The following ARAP2 variants were observed in gnomAD, a reference collection of about 807,000 sequenced individuals.
The protein encoded by ARAP2 is ArfGAP with RhoGAP domain, ankyrin repeat and PH domain 2.
In ARAP2, 148 loss-of-function variants were observed where a neutral mutation model predicts 194.5. That is an observed-to-expected ratio of 0.76 (90% CI 0.67 to 0.87). The LOEUF is 0.87. ARAP2 is among the 40% of genes least tolerant of loss of function. The probability of loss-of-function intolerance (pLI) is 0.00; values close to 1 mark genes in which losing one functional copy is unlikely to be tolerated. For synonymous variants in ARAP2, 695 were observed against 683.5 expected, an observed-to-expected ratio of 1.02 and a Z score of -0.26; for missense variants, 2,128 against 1,989.7, an observed-to-expected ratio of 1.07 and a Z score of -1.32.
At position 36,067,768 on chromosome 4, in the gene ARAP2, T is replaced by G. The variant is rs1725826191; in HGVS notation, c.*139A>C. 5.6e-6 allele frequency: 5 copies of G among 899,158 alleles called. No homozygotes were observed. Among genetic ancestry groups the G allele is most frequent in the Non-Finnish European group, 6.5e-6 (4 of 612,226 alleles). The allele number at this position is 899,158 out of a possible 1,614,324, so 55.7% of individuals were successfully genotyped here. A position where few individuals can be genotyped will look rare whatever the true frequency, so the allele number is the denominator to read the frequency against. ...ATATATACATATTTTTAAATGCTCC[T>G]TAAATGCCTAAGCATAGACAAATTT... On this transcript the variant is annotated 3_prime_UTR_variant, in exon 33 of 33. Coordinates refer to ENST00000303965, the MANE Select transcript of ARAP2 (RefSeq NM_015230.4).
chr4:36,168,010 T>G (rs970006863), intron 9 of ARAP2, among the ~76,000 whole-genome samples: 3 of 134,038 alleles, frequency 2.2e-5, no homozygotes, highest in African/African-American at 8.3e-5. Context: ...AAAGGCAAAA[T>G]ACAAAAAAAA....
chr4:36,106,017 T>C (rs1463781909), intron 27 of ARAP2, among the ~76,000 whole-genome samples: 1 of 151,996 alleles, frequency 6.6e-6, no homozygotes, highest in Non-Finnish European at 1.5e-5. Context: ...ATTATCTAAA[T>C]TAGGGTTTCT....
chr4:36,022,922 T>C (rs973341785), intron 5 of ARAP2, among the ~76,000 whole-genome samples: 1 of 152,120 alleles, frequency 6.6e-6, no homozygotes, highest in Non-Finnish European at 1.5e-5. Flanking sequence ...GAGAATAATA[T>C]ATGGAGAAGA....
chr4:36,039,292 C>T (rs1380457564), intron 5 of ARAP2, among the ~76,000 whole-genome samples: 2 of 152,220 alleles, frequency 1.3e-5, no homozygotes, highest in African/African-American at 2.4e-5. Context: ...ACCAGCCCCA[C>T]ACTGTTTATA....
At chr4:36,026,933 G>A (rs1014086649) in intron 5 of ARAP2, among the ~76,000 whole-genome samples, 10 of 152,218 alleles carry the variant, frequency 6.6e-5, no homozygotes, top group African/African-American at 2.4e-4. Flanking sequence ...GTCTCTAAAT[G>A]CGGCCATAGC....
At chr4:36,014,324 G>GAGAGAGAA (rs1553861947) in intron 8 of ARAP2, among the ~76,000 whole-genome samples, 20 of 109,832 alleles carry the variant, frequency 1.8e-4, no homozygotes, top group African/African-American at 8.5e-4. Context: ...GAAAGAAAGA[G>GAGAGAGAA]AGAAAGAAAG....
At chr4:36,236,404 C>T (rs1752463675) in intron 1 of ARAP2, among the ~76,000 whole-genome samples, 1 of 152,038 alleles carries the variant, frequency 6.6e-6, no homozygotes, top group Non-Finnish European at 1.5e-5. Flanking sequence ...ATCACCTTTG[C>T]CTAACTATAT....
chr4:36,183,476 GAAA>G (rs1739767084), intron 8 of ARAP2, among the ~76,000 whole-genome samples: 1 of 152,060 alleles, frequency 6.6e-6, no homozygotes, highest in Non-Finnish European at 1.5e-5. Context: ...AATGGCCTTG[GAAA>G]GGGAATGCCC....
intron 3 of ARAP2, among the ~76,000 whole-genome samples, chr4:36,049,241 A>AT (rs1560320349): frequency 6.6e-6 from 1 of 152,146 alleles, no homozygotes; most frequent in Non-Finnish European, 1.5e-5. Context: ...TTGACAAAAA[A>AT]TTTTTTCTGA....
chr4:36,026,125 G>A (rs1295938424), intron 5 of ARAP2, among the ~76,000 whole-genome samples: 1 of 151,978 alleles, frequency 6.6e-6, no homozygotes, highest in Non-Finnish European at 1.5e-5. Flanking sequence ...ATGAAAATAG[G>A]CTCCAATAAA....
chr4:36,117,724 T>C (rs1328283529), intron 24 of ARAP2, among the ~76,000 whole-genome samples: 2 of 151,630 alleles, frequency 1.3e-5, no homozygotes, highest in Non-Finnish European at 3.0e-5. Flanking sequence ...TCATGGAATA[T>C]GGCAGACAAT....
intron 26 of ARAP2, 96 bp downstream of exon 26, chr4:36,114,074 A>C: frequency 1.1e-6 from 1 of 910,712 alleles, no homozygotes; most frequent in Non-Finnish European, 1.7e-6. Context: ...AATCATAACA[A>C]GATGTTAAGA....
intron 25 of ARAP2, among the ~76,000 whole-genome samples, chr4:36,114,571 T>C (rs993285948): frequency 6.6e-6 from 1 of 152,044 alleles, no homozygotes; most frequent in Non-Finnish European, 1.5e-5. Context: ...CTAATTACAT[T>C]CGGAATGACC....
intron 2 of ARAP2, among the ~76,000 whole-genome samples, chr4:36,228,376 T>C (rs1560719735): frequency 6.6e-6 from 1 of 152,116 alleles, no homozygotes; most frequent in African/African-American, 2.4e-5. Context: ...AGGGAAAAGC[T>C]AAAGAGTCCC....
intron 7 of ARAP2, among the ~76,000 whole-genome samples, chr4:36,188,537 C>T (rs1350853849): frequency 2.0e-5 from 3 of 151,994 alleles, no homozygotes; most frequent in Admixed American, 1.3e-4. Flanking sequence ...GCATTCTAGT[C>T]AAAAAGACTA....
intron 24 of ARAP2, 112 bp downstream of exon 24, chr4:36,119,528 TCACTCATTAC>T: frequency 1.7e-6 from 1 of 583,156 alleles, no homozygotes; most frequent in Non-Finnish European, 2.9e-6. Flanking sequence ...GTTTTTTTTT[TCACTCATTAC>T]TTTTACTTTG....
At chr4:36,218,623 T>C (rs889566707) in intron 2 of ARAP2, among the ~76,000 whole-genome samples, 15 of 152,214 alleles carry the variant, frequency 9.9e-5, no homozygotes, top group African/African-American at 3.6e-4. Context: ...CTCAGTGTAA[T>C]AGGCCAAACA....
In ARAP2 at chr4:36,229,190, A is replaced by C. The variant is rs762800948; in HGVS notation, c.297T>G (p.Asp99Glu). The change falls in exon 2 of 33, where the codon GAT becomes GAG. Residue 99 changes from aspartate to glutamate, a missense_variant. Asp to Glu is a conservative substitution (Grantham distance 45). Coordinates refer to ENST00000303965, the MANE Select transcript of ARAP2 (RefSeq NM_015230.4). Reference sequence around the variant, plus strand: ...TGGAAAGTTCTATGCAGATATTCTGATCAGAAGATGGAACATGGTAATCCT... The same window carrying C: ...TGGAAAGTTCTATGCAGATATTCTGCTCAGAAGATGGAACATGGTAATCCT... ...PSKDYHVPSS[D>E]QNICIELSNS... is the part of the protein sequence containing the mutation. 4.3e-6 allele frequency: 7 copies of C among 1,614,148 alleles called. No individual in the cohort carries two copies. The highest frequency in any genetic ancestry group is 5.9e-6 in the Non-Finnish European group (7 of 1,180,006).
At chr4:36,125,954 A>G (rs1723791238) in intron 21 of ARAP2, among the ~76,000 whole-genome samples, 1 of 152,056 alleles carries the variant, frequency 6.6e-6, no homozygotes. Flanking sequence ...TCTTAAAAGT[A>G]CAAAGTCACT....
Sources: allele counts gnomAD v4.1 joint callset (sites outside exome capture counted in the v4.1 genomes callset), GRCh38; gene constraint gnomAD v4.1.1; transcripts MANE v1.5; gene names NCBI Gene and HGNC (gene_info 2026-07-23, HGNC 2026-07-21).